Variants in MIER1 observed in about 807,000 individuals in gnomAD.
The protein encoded by MIER1 is mesoderm induction early response protein 1.
A neutral mutation model predicts 75.7 loss-of-function variants in MIER1; 40 were observed. The ratio of observed to expected loss-of-function variants is 0.53; its 90% CI spans 0.41 to 0.69. MIER1 has a LOEUF of 0.69. Among genes scored for constraint, MIER1 ranks in the 30% least tolerant of loss-of-function variants. The pLI is 0.00. For missense variants in MIER1, 574 were observed against 680.2 expected (o/e 0.84, Z 1.74); for synonymous variants, 213 against 223.4 (o/e 0.95, Z 0.42).
intron 4 of MIER1, chr1:66,946,812 A>C (rs1438879312): frequency 2.0e-6 from 2 of 984,722 alleles, no homozygotes; most frequent in African/African-American, 1.7e-5. Flanking sequence ...TCACTACCTT[A>C]CTTTTTCTCA....
At chr1:66,947,076 T>C (rs772746233) in intron 4 of MIER1, 4 of 921,136 alleles carry the variant, frequency 4.3e-6, no homozygotes, top group African/African-American at 1.8e-5. Context: ...CCTGTACTTA[T>C]TTTAAAAAGC....
chr1:66,971,873 T>C (rs2101888008), intron 10 of MIER1, 137 bp downstream of exon 10: 2 of 500,632 alleles, frequency 4.0e-6, no homozygotes, highest in East Asian at 3.3e-5. Flanking sequence ...TACCAAGTAT[T>C]ACTAAACAAA....
intron 10 of MIER1, 78 bp downstream of exon 10, chr1:66,971,814 C>T (rs1663659241): frequency 2.9e-6 from 2 of 692,424 alleles, no homozygotes; most frequent in African/African-American, 1.9e-5. Flanking sequence ...TAGGTATAGC[C>T]TAAACTTAAT....
At chr1:66,977,500 A>C (rs912904350) in intron 12 of MIER1, among the ~76,000 whole-genome samples, 2 of 152,186 alleles carry the variant, frequency 1.3e-5, no homozygotes, top group Non-Finnish European at 2.9e-5. Context: ...AGTAATATTT[A>C]AGAATTAGTA....
chr1:66,946,499 T>C (rs1657676511), intron 4 of MIER1: 3 of 1,269,104 alleles, frequency 2.4e-6, no homozygotes, highest in Admixed American at 4.0e-5. Flanking sequence ...AATAACAGAA[T>C]TCACATAGTT....
At chr1:66,947,436 A>G (rs1570248240) in intron 4 of MIER1, 1 of 152,026 alleles carries the variant, frequency 6.6e-6, no homozygotes, top group Non-Finnish European at 1.5e-5. Context: ...TGGTACTACT[A>G]TTTACCCTGT....
At chr1:66,966,688 C>T (rs977836410) in intron 8 of MIER1, among the ~76,000 whole-genome samples, 1 of 152,226 alleles carries the variant, frequency 6.6e-6, no homozygotes, top group Non-Finnish European at 1.5e-5. Context: ...CACATCCTCT[C>T]CAGCACCTGT....
intron 7 of MIER1, 86 bp downstream of exon 7, chr1:66,959,829 T>A: frequency 1.9e-6 from 1 of 539,018 alleles, no homozygotes; most frequent in Non-Finnish European, 3.2e-6. Flanking sequence ...TTTTACTAAC[T>A]ATGTATATTG....
chr1:66,946,828 A>G (rs532665847), intron 4 of MIER1: 1 of 985,038 alleles, frequency 1.0e-6, no homozygotes, highest in African/African-American at 1.7e-5. Context: ...TCTCAGCAGT[A>G]TTCAATATAG....
At chr1:66,950,177 C>T (rs751487432) in intron 4 of MIER1, among the ~76,000 whole-genome samples, 1 of 152,072 alleles carries the variant, frequency 6.6e-6, no homozygotes, top group East Asian at 1.9e-4. Flanking sequence ...GGCACGATCT[C>T]GGCTCACTGC....
chr1:66,973,108 T>C, intron 11 of MIER1, 117 bp downstream of exon 11: 1 of 597,068 alleles, frequency 1.7e-6, no homozygotes, highest in Non-Finnish European at 2.9e-6. Context: ...AATATGACAA[T>C]ATTTTGGTAT....
chr1:66,957,617 G>C (rs1254749602), intron 4 of MIER1, among the ~76,000 whole-genome samples: 1 of 58,874 alleles, frequency 1.7e-5, no homozygotes, highest in Non-Finnish European at 3.2e-5. Context: ...TCATGTGTTC[G>C]GGCTGAGCTC....
intron 4 of MIER1, among the ~76,000 whole-genome samples, chr1:66,953,571 A>G (rs1659455536): frequency 2.0e-5 from 3 of 149,650 alleles, no homozygotes; most frequent in African/African-American, 7.4e-5. Context: ...CAAGTTTAAT[A>G]CTAGTAAGTA....
intron 3 of MIER1, among the ~76,000 whole-genome samples, chr1:66,944,630 T>G (rs1050956051): frequency 6.6e-6 from 1 of 152,066 alleles, no homozygotes; most frequent in African/African-American, 2.4e-5. Flanking sequence ...CTATGCAGTT[T>G]TAATAAATTT....
chr1:66,938,651 ACTC>A (rs1453594239), intron 2 of MIER1, among the ~76,000 whole-genome samples: 1 of 152,042 alleles, frequency 6.6e-6, no homozygotes, highest in African/African-American at 2.4e-5. Flanking sequence ...ATGTCACCCT[ACTC>A]TCCAAGCTTC....
chr1:66,972,513 G>T (rs1405704918), intron 10 of MIER1, among the ~76,000 whole-genome samples: 4 of 151,840 alleles, frequency 2.6e-5, no homozygotes, highest in Non-Finnish European at 4.4e-5. Context: ...TAATATTTTT[G>T]TTGGGATGCA....
At chr1:66,933,265 A>G (rs1653889222) in intron 2 of MIER1, among the ~76,000 whole-genome samples, 1 of 152,196 alleles carries the variant, frequency 6.6e-6, no homozygotes, top group South Asian at 2.1e-4. Flanking sequence ...TTTGGGTTTT[A>G]TAAGGAATGT....
intron 11 of MIER1, among the ~76,000 whole-genome samples, chr1:66,976,121 A>C (rs1026144388): frequency 6.6e-6 from 1 of 151,320 alleles, no homozygotes; most frequent in African/African-American, 2.4e-5. Context: ...CTCCTGCCTC[A>C]GCCTCCCGAG....
At chr1:66,969,516 GC>G (rs1663137420) in intron 8 of MIER1, among the ~76,000 whole-genome samples, 1 of 113,878 alleles carries the variant, frequency 8.8e-6, no homozygotes. Context: ...CTGCACTCCA[GC>G]CTGGGCAACA....
Sources: allele counts gnomAD v4.1 joint callset (sites outside exome capture counted in the v4.1 genomes callset), GRCh38; gene constraint gnomAD v4.1.1; transcripts MANE v1.5; gene names NCBI Gene and HGNC (gene_info 2026-07-23, HGNC 2026-07-21).